Variants in ZNF445 observed in about 807,000 individuals in gnomAD.
ZNF445 encodes zinc finger protein 445.
ZNF445 carries 19 observed loss-of-function variants against 93.9 expected under a neutral mutation model. The observed-to-expected ratio is 0.20, with a 90% CI of 0.14 to 0.30. The LOEUF (loss-of-function observed/expected upper bound fraction) is 0.30. Ranked by LOEUF, ZNF445 falls within the 10% of genes least tolerant of loss-of-function variation. ZNF445 has a pLI of 1.00. For synonymous variants in ZNF445, 449 were observed against 446.3 expected (o/e 1.01, Z -0.08); for missense variants, 1,058 against 1,259.4 (o/e 0.84, Z 2.42).
chr3:44,454,180 G>T (rs534866515), intron 3 of ZNF445, among the ~76,000 whole-genome samples: 1 of 151,094 alleles, frequency 6.6e-6, no homozygotes, highest in East Asian at 1.9e-4. Flanking sequence ...GCTGGGAGTG[G>T]TGGGGTATGC....
Position 44,447,147 on chromosome 3 carries a change from A to T in ZNF445, c.2524T>A (p.Cys842Ser). ...KILTGEKRFW[C>S]QECGKTFTRK... ...GTAAAGGTTTTCCCACATTCTTGACACCAAAAACGTTTCTCACCAGTGAGG... is the reference window on the plus strand; with the variant it reads ...GTAAAGGTTTTCCCACATTCTTGACTCCAAAAACGTTTCTCACCAGTGAGG... The change falls in exon 8 of 8, where the codon TGT becomes AGT. Residue 842 changes from cysteine to serine, a missense_variant. Transcript: ENST00000396077. This position sits in a 1 kb window ranked among gnomAD's most constrained non-coding sequence, Gnocchi z 4.7. 1 of 1,614,198 alleles carries T rather than the reference A, an allele frequency of 6.2e-7. No homozygotes were observed. Among genetic ancestry groups the T allele is most frequent in the Non-Finnish European group, 8.5e-7 (1 of 1,180,034 alleles).
At chr3:44,451,690 T>A (rs914674017) in intron 3 of ZNF445, among the ~76,000 whole-genome samples, 1 of 151,994 alleles carries the variant, frequency 6.6e-6, no homozygotes, top group African/African-American at 2.4e-5. Context: ...CTAATGAGGG[T>A]CATGGGAGAG....
chr3:44,448,669 T>C lies in ZNF445; in HGVS notation c.1002A>G (p.Leu334=). The part of the protein sequence containing the change: ...NQEPLEEAET[L]AVSSGCPATS... Reference sequence around the variant, plus strand: ...TCGCAGGACATCCTGATGACACAGCTAAGGTTTCTGCTTCTTCCAAAGGTT... The same window carrying C: ...TCGCAGGACATCCTGATGACACAGCCAAGGTTTCTGCTTCTTCCAAAGGTT... The change falls in exon 8 of 8, where the codon TTA becomes TTG. Residue 334 remains leucine (L), a synonymous_variant. Transcript: ENST00000396077. 6.2e-7 allele frequency: 1 copy of C among 1,614,122 alleles called. No individual in the cohort carries two copies. The highest frequency in any genetic ancestry group is 8.5e-7 in the Non-Finnish European group (1 of 1,180,022).
In ZNF445 at chr3:44,456,996, G is replaced by A. The variant is rs143212054; in HGVS notation, c.-148+1248C>T. On this transcript the variant is annotated intron_variant, in intron 2 of 7. Transcript: ENST00000396077. ...TACAAAAAATTAGCTGGGCATGGTG[G>A]CATGTGCCTATAATCCCAGCTACTC... Among the ~76,000 whole-genome samples the A allele has an allele frequency of 7.2e-4, 109 of 152,266 alleles. 2 individuals are homozygous for A. The Middle Eastern group carries it at 0.01, about 14-fold the overall frequency.
Position 44,448,566 on chromosome 3 carries a change from T to A in ZNF445, c.1105A>T (p.Ile369Leu), listed in dbSNP as rs764539699. 6.2e-7 allele frequency: 1 copy of A among 1,614,158 alleles called. No individual in the cohort carries two copies. The highest frequency in any genetic ancestry group is 8.5e-7 in the Non-Finnish European group (1 of 1,180,050). ...SRQKDQCENP[I>L]QVRVKKEETN... ...TCTTCTTTCTTAACTCTTACTTGTA[T>A]GGGATTTTCACATTGATCCTTCTGC... Residue 369 changes from isoleucine to leucine, a missense_variant, in exon 8 of 8, where the codon ATA (isoleucine) becomes TTA (leucine). Coordinates refer to ENST00000396077, the MANE Select transcript of ZNF445 (RefSeq NM_181489.6).
At chr3:44,448,846 T>C in intron 7 of ZNF445, 107 bp from the exon 8 acceptor site, 1 of 1,283,394 alleles carries the variant, frequency 7.8e-7, no homozygotes, top group Non-Finnish European at 1.1e-6. Context: ...TTTGCCTGAC[T>C]GCCAATACCT....
intron 1 of ZNF445, among the ~76,000 whole-genome samples, chr3:44,468,584 A>G (rs1445753279): frequency 6.6e-6 from 1 of 152,106 alleles, no homozygotes; most frequent in African/African-American, 2.4e-5. Context: ...TGCTTGAGGT[A>G]TTTTGCAGCC....
chr3:44,435,611 T>C lies in ZNF445; in HGVS notation c.*10964A>G, dbSNP rs1166710958. ...GGAATGTGGTATTAGTTTGCTTTAATATTTTTGTGAATGAGGCAGCTCTAG... is the reference window on the plus strand; with the variant it reads ...GGAATGTGGTATTAGTTTGCTTTAACATTTTTGTGAATGAGGCAGCTCTAG... On this transcript the variant is annotated 3_prime_UTR_variant, in exon 8 of 8. Transcript: ENST00000396077. The C allele has an allele frequency of 6.6e-6, 1 of 152,226 alleles. No homozygotes were observed. Among genetic ancestry groups the C allele is most frequent in the South Asian group, 2.1e-4 (1 of 4,832 alleles). 9.4% of individuals were successfully genotyped at this position (152,226 alleles called of 1,614,324 possible). A position where few individuals can be genotyped will look rare whatever the true frequency, so the allele number is the denominator to read the frequency against.
intron 2 of ZNF445, among the ~76,000 whole-genome samples, chr3:44,456,336 G>A (rs940794406): frequency 2.6e-5 from 4 of 152,086 alleles, no homozygotes; most frequent in African/African-American, 9.7e-5. Context: ...AGAATCACTT[G>A]AACCCGGGAG....
Position 44,455,473 on chromosome 3 carries a change from A to G in ZNF445, c.77T>C (p.Val26Ala), listed in dbSNP as rs202027356. 3.7e-6 allele frequency: 6 copies of G among 1,614,034 alleles called. No individual in the cohort carries two copies. In the East Asian group the frequency reaches 8.9e-5, roughly 24 times the overall value. ...GCTTTCATCCTCTTCTTCCTTCTTT[A>G]CTGTCTGAAGCCGCCCTCGCTCCCT... The part of the protein sequence containing the change: ...SSRERGRLQT[V>A]KKEEEDESYT... Residue 26 changes from valine (V) to alanine (A), a missense_variant, in exon 3 of 8, where the codon GTA becomes GCA. Physicochemically the swap from Val to Ala is moderately conservative, Grantham distance 64. Around this residue, in one of 3 missense-constraint regions of ZNF445, gnomAD observed 657 missense variants for 746.4 expected, o/e 0.88. Coordinates refer to ENST00000396077, the MANE Select transcript of ZNF445 (RefSeq NM_181489.6).
Position 44,446,456 on chromosome 3 carries a change from T to C in ZNF445, c.*119A>G. 1.4e-6 allele frequency: 2 copies of C among 1,450,046 alleles called. No homozygotes were observed. Among genetic ancestry groups the C allele is most frequent in the African/African-American group, 1.4e-5 (1 of 70,126 alleles). 89.8% of individuals were successfully genotyped at this position (1,450,046 alleles called of 1,614,324 possible). On this transcript the variant is annotated 3_prime_UTR_variant, in exon 8 of 8. Transcript: ENST00000396077. The surrounding 1 kb of genome is among the most constrained non-coding windows in gnomAD (Gnocchi z 4.2). ...TTTCAAATCCTTGGGATTCTGTCAC[T>C]AGCTTCCAAAACAGAAAGGGCTGGG...
intron 1 of ZNF445, among the ~76,000 whole-genome samples, chr3:44,476,493 A>G (rs370575323): frequency 1.3e-5 from 2 of 152,120 alleles, no homozygotes; most frequent in Non-Finnish European, 2.9e-5. Context: ...AGACACACAC[A>G]CAACACATGG....
At position 44,447,703 on chromosome 3, in the gene ZNF445, A is replaced by G; in HGVS notation, c.1968T>C (p.Asp656=). 6.2e-7 allele frequency: 1 copy of G among 1,614,138 alleles called. No homozygotes were observed. Among genetic ancestry groups the G allele is most frequent in the East Asian group, 2.2e-5 (1 of 44,890 alleles). ...LHEEEKFYKQ[D]ECREGFRQSP... Reference sequence around the variant, plus strand: ...ATTGCCTGAAGCCTTCACGACATTCATCTTGTTTGTAGAATTTTTCCTCCT... The same window carrying G: ...ATTGCCTGAAGCCTTCACGACATTCGTCTTGTTTGTAGAATTTTTCCTCCT... The change falls in exon 8 of 8, where the codon GAT becomes GAC. Residue 656 remains aspartate, a synonymous_variant. Transcript: ENST00000396077. This position sits in a 1 kb window ranked among gnomAD's most constrained non-coding sequence, Gnocchi z 4.7.
Position 44,448,135 on chromosome 3 carries a change from T to C in ZNF445, c.1536A>G (p.Ala512=). 2.5e-6 allele frequency: 4 copies of C among 1,614,180 alleles called. No homozygotes were observed. Among genetic ancestry groups the C allele is most frequent in the African/African-American group, 1.3e-5 (1 of 75,058 alleles). Residue 512 remains alanine, a synonymous_variant, in exon 8 of 8, where the codon GCA becomes GCG. Transcript: ENST00000396077. ...CTTTCCCACACACCCTACATTTAAA[T>C]GCTTTCTCTTGAGTGTGAAGTCTCT... The part of the protein sequence containing the change: ...YHQRLHTQEK[A]FKCRVCGKAF...
Position 44,437,480 on chromosome 3 carries a change from G to A in ZNF445, c.*9095C>T, listed in dbSNP as rs908766964. On this transcript the variant is annotated 3_prime_UTR_variant, in exon 8 of 8. Coordinates refer to ENST00000396077, the MANE Select transcript of ZNF445 (RefSeq NM_181489.6). ...AGAAAGGATTCAGGGCAAGTCCGCA[G>A]TGCAAAGCAAAAACAAGTTTATTAA... 1 of 152,126 alleles carries A rather than the reference G, an allele frequency of 6.6e-6. No homozygotes were observed. 9.4% of individuals were successfully genotyped at this position (152,126 alleles called of 1,614,324 possible). A position where few individuals can be genotyped will look rare whatever the true frequency, so the allele number is the denominator to read the frequency against.
intron 1 of ZNF445, among the ~76,000 whole-genome samples, chr3:44,461,690 C>T (rs752838554): frequency 7.2e-5 from 11 of 152,150 alleles, no homozygotes; most frequent in Non-Finnish European, 1.5e-4. Context: ...GTTTGAGCTT[C>T]GTCAGGTTGA....
At chr3:44,474,597 C>T (rs571689927) in intron 1 of ZNF445, among the ~76,000 whole-genome samples, 1 of 152,228 alleles carries the variant, frequency 6.6e-6, no homozygotes, top group South Asian at 2.1e-4. Flanking sequence ...GTAACTGTCA[C>T]AGATTGAAGC....
Position 44,432,940 on chromosome 3 carries a change from G to A in ZNF445, c.*13635C>T, listed in dbSNP as rs1389069509. 6.6e-6 allele frequency: 1 copy of A among 152,138 alleles called. No homozygotes were observed. Among genetic ancestry groups the A allele is most frequent in the African/African-American group, 2.4e-5 (1 of 41,424 alleles). 9.4% of individuals were successfully genotyped at this position (152,138 alleles called of 1,614,324 possible). On this transcript the variant is annotated 3_prime_UTR_variant, in exon 8 of 8. Transcript: ENST00000396077. ...TCCTTTTCATTAAAATTCTGCTCATGGATTCATCCCTGCAGTAGGTTCATT... is the reference window on the plus strand; with the variant it reads ...TCCTTTTCATTAAAATTCTGCTCATAGATTCATCCCTGCAGTAGGTTCATT...
rs927945635 is a variant in ZNF445, at chr3:44,439,429, G to A, written c.*7146C>T. 4 of 152,000 alleles carry A rather than the reference G, an allele frequency of 2.6e-5. No individual in the cohort carries two copies. The highest frequency in any genetic ancestry group is 9.7e-5 in the African/African-American group (4 of 41,360). 9.4% of individuals were successfully genotyped at this position (152,000 alleles called of 1,614,324 possible). On this transcript the variant is annotated 3_prime_UTR_variant, in exon 8 of 8. Transcript: ENST00000396077. ...AGGGAAGGCCATTACATGTTCTTCA[G>A]GCAAAAGGTGGTTAACTAACACTCA...
Sources: allele counts gnomAD v4.1 joint callset (sites outside exome capture counted in the v4.1 genomes callset), GRCh38; gene constraint gnomAD v4.1.1; regional missense constraint gnomAD v4.1.1; non-coding constraint Gnocchi (gnomAD v3.1); transcripts MANE v1.5; gene names NCBI Gene and HGNC (gene_info 2026-07-23, HGNC 2026-07-21).